Variants in HROB observed in about 807,000 individuals in gnomAD.
The protein encoded by HROB is homologous recombination factor with OB-fold, also known as homologous recombination OB-fold protein.
A neutral mutation model predicts 61.0 loss-of-function variants in HROB; 44 were observed. That is an observed-to-expected ratio of 0.72 (90% CI 0.57 to 0.93). The LOEUF is 0.93. Among genes scored for constraint, HROB ranks in the 40% least tolerant of loss-of-function variants. HROB has a pLI of 0.00. For synonymous variants in HROB, 301 were observed against 310.4 expected, an observed-to-expected ratio of 0.97 and a Z score of 0.32; for missense variants, 716 against 796.2, an observed-to-expected ratio of 0.90 and a Z score of 1.21.
chr17:44,144,996 A>C (rs964464980), intron 1 of HROB, among the ~76,000 whole-genome samples: 2 of 152,092 alleles, frequency 1.3e-5, no homozygotes, highest in Non-Finnish European at 2.9e-5. Flanking sequence ...GATTACAGGC[A>C]TGAGTCACCA....
intron 4 of HROB, among the ~76,000 whole-genome samples, chr17:44,151,934 C>T (rs2053820408): frequency 6.6e-6 from 1 of 152,018 alleles, no homozygotes; most frequent in Non-Finnish European, 1.5e-5. Flanking sequence ...GCAACCTCCG[C>T]CTCCTGGGTT....
intron 5 of HROB, 47 bp downstream of exon 5, chr17:44,152,824 C>G: frequency 1.3e-6 from 2 of 1,597,640 alleles, no homozygotes; most frequent in Non-Finnish European, 1.7e-6. Flanking sequence ...CATTTTTCTC[C>G]CTCTCTCTGA....
rs781297360 is a variant in HROB, at chr17:44,154,662, C to T, written c.1556C>T (p.Thr519Met). 1.5e-5 allele frequency: 25 copies of T among 1,613,806 alleles called. No individual in the cohort carries two copies. Among genetic ancestry groups the T allele is most frequent in the Non-Finnish European group, 1.9e-5 (23 of 1,179,874 alleles). The stretch of plus-strand genomic sequence containing the variant: ...GCCAGTGTGGTTTTCAAGGACCCCA[C>T]GGGTAAGGAATTAGGTCCTAGGTTG... ...MDASVVFKDP[T>M]GEMQGTVHRL... Residue 519 changes from threonine (T) to methionine (M), a missense_variant and splice_region_variant, in exon 6 of 10, where the codon ACG becomes ATG. Physicochemically the swap from Thr to Met is moderately conservative, Grantham distance 81. Transcript: ENST00000585683.
chr17:44,154,786 C>A (rs2053921453), intron 6 of HROB, 67 bp from the exon 7 acceptor site: 5 of 1,597,844 alleles, frequency 3.1e-6, no homozygotes, highest in Non-Finnish European at 4.3e-6. Flanking sequence ...CACTTCCCAG[C>A]CAGGGCCCAT....
In HROB at chr17:44,157,815, CAG is replaced by C; in HGVS notation, c.1771-16_1771-15del. 1 of 1,601,186 alleles carries C rather than the reference CAG, an allele frequency of 6.2e-7. No homozygotes were observed. Among genetic ancestry groups the C allele is most frequent in the Non-Finnish European group, 8.5e-7 (1 of 1,171,604 alleles). On this transcript the variant is annotated splice_polypyrimidine_tract_variant and intron_variant, in intron 8 of 9. Coordinates refer to ENST00000585683, the MANE Select transcript of HROB (RefSeq NM_001171251.3). The stretch of plus-strand genomic sequence containing the variant: ...TTTCAGGGACACAGGCATTGGTAAC[CAG>C]ATCCTCTGTCCCCAGGATTCAGGGA...
At chr17:44,160,957 C>T (rs991332221) in intron 9 of HROB, among the ~76,000 whole-genome samples, 2 of 152,176 alleles carry the variant, frequency 1.3e-5, no homozygotes, top group Non-Finnish European at 2.9e-5. Context: ...AATCCCAGCA[C>T]TTTGGGAGGC....
chr17:44,149,085 A>G, intron 3 of HROB, 58 bp downstream of exon 3: 1 of 1,497,750 alleles, frequency 6.7e-7, no homozygotes. Flanking sequence ...GGGTTCCAGC[A>G]CTGTCCAGCC....
At chr17:44,161,510 G>C (rs1272194973) in intron 9 of HROB, among the ~76,000 whole-genome samples, 5 of 152,174 alleles carry the variant, frequency 3.3e-5, no homozygotes, top group Admixed American at 3.3e-4. Context: ...GCTTTTCCCA[G>C]CCCTCTTTCT....
At chr17:44,146,629 T>C (rs1011929377) in intron 2 of HROB, among the ~76,000 whole-genome samples, 2 of 152,112 alleles carry the variant, frequency 1.3e-5, no homozygotes, top group Non-Finnish European at 2.9e-5. Context: ...GTGAGCTCTT[T>C]GGGAGAAAAA....
chr17:44,153,978 C>T (rs1370055814), intron 5 of HROB, among the ~76,000 whole-genome samples: 1 of 151,892 alleles, frequency 6.6e-6, no homozygotes, highest in Non-Finnish European at 1.5e-5. Flanking sequence ...AACCCAGAGG[C>T]GGAGGTTGCA....
Position 44,141,937 on chromosome 17 carries a change from G to T in HROB, c.-206G>T, listed in dbSNP as rs1418587609. On this transcript the variant is annotated 5_prime_UTR_variant, in exon 1 of 10. Transcript: ENST00000585683. ...AGAAGGCGGAGACGCCCCAGTGGCG[G>T]CGTCTTCGAATGCGGCCTAAGGCGC... The T allele has an allele frequency of 1.7e-6, 1 of 594,300 alleles. No individual in the cohort carries two copies. The highest frequency in any genetic ancestry group is 2.8e-6 in the Non-Finnish European group (1 of 356,426). 36.8% of individuals were successfully genotyped at this position (594,300 alleles called of 1,614,324 possible). A position where few individuals can be genotyped will look rare whatever the true frequency, so the allele number is the denominator to read the frequency against.
At chr17:44,145,529 C>A (rs916884272) in intron 2 of HROB, among the ~76,000 whole-genome samples, 25 of 152,198 alleles carry the variant, frequency 1.6e-4, no homozygotes, top group African/African-American at 5.6e-4. Flanking sequence ...TAATTCACCT[C>A]TATGATAACA....
At position 44,147,028 on chromosome 17, in the gene HROB, A is replaced by AGTGT. The variant is rs143062329; in HGVS notation, c.55-812_55-809dup. Reference sequence around the variant, plus strand: ...TACTGAAGGGTAGCTATCTCTGTGTAGTGTGTGTGTGTGTGTGTGTGAGAG... The same window carrying AGTGT: ...TACTGAAGGGTAGCTATCTCTGTGTAGTGTGTGTGTGTGTGTGTGTGTGTGAGAG... On this transcript the variant is annotated intron_variant, in intron 2 of 9. Transcript: ENST00000585683. Among the ~76,000 whole-genome samples the AGTGT allele has an allele frequency of 3.8e-3, 564 of 148,058 alleles. 2 individuals are homozygous for AGTGT. Among genetic ancestry groups the AGTGT allele is most frequent in the Middle Eastern group, 0.017 (5 of 286 alleles).
chr17:44,152,497 G>C (rs1355815495), intron 4 of HROB, 140 bp from the exon 5 acceptor site: 4 of 827,690 alleles, frequency 4.8e-6, no homozygotes, highest in Non-Finnish European at 7.2e-6. Flanking sequence ...ATAAATGAGA[G>C]GAGAGACTGT....
intron 2 of HROB, among the ~76,000 whole-genome samples, chr17:44,146,013 T>C (rs2053599269): frequency 6.6e-6 from 1 of 152,184 alleles, no homozygotes; most frequent in African/African-American, 2.4e-5. Context: ...TTCCTGATGC[T>C]CTCCACCTCC....
intron 2 of HROB, among the ~76,000 whole-genome samples, chr17:44,147,044 T>TGC (rs1318796996): frequency 1.3e-4 from 16 of 122,644 alleles, no homozygotes; most frequent in Admixed American, 2.4e-4. Flanking sequence ...TGTGTGTGTG[T>TGC]GTGTGAGAGA....
intron 9 of HROB, among the ~76,000 whole-genome samples, chr17:44,159,337 GA>G (rs2054063392): frequency 6.6e-6 from 1 of 152,116 alleles, no homozygotes; most frequent in Non-Finnish European, 1.5e-5. Flanking sequence ...TTATAACTGA[GA>G]AAAAAACCAG....
chr17:44,160,736 A>C (rs2054113500), intron 9 of HROB, among the ~76,000 whole-genome samples: 1 of 152,214 alleles, frequency 6.6e-6, no homozygotes, highest in Non-Finnish European at 1.5e-5. Context: ...CACACTACCT[A>C]ATTCACAGTA....
chr17:44,154,173 C>T (rs977019519), intron 5 of HROB, among the ~76,000 whole-genome samples: 3 of 152,034 alleles, frequency 2.0e-5, no homozygotes, highest in Non-Finnish European at 2.9e-5. Context: ...GAAACCCTGT[C>T]TCTACTAAAA....
Sources: gnomAD v4.1 joint callset for allele counts (sites outside exome capture counted in the v4.1 genomes callset) on GRCh38, gnomAD v4.1.1 for gene constraint, MANE v1.5 for transcripts, NCBI Gene and HGNC (gene_info 2026-07-23, HGNC 2026-07-21) for gene names.